The following CLCN1 variants were observed in gnomAD, a reference collection of about 807,000 sequenced individuals.
CLCN1 encodes the protein chloride channel protein 1.
Under a neutral mutation model 114.5 loss-of-function variants are expected in CLCN1, and 100 were observed. The ratio of observed to expected loss-of-function variants is 0.87; its 90% confidence interval spans 0.74 to 1.03. The LOEUF is 1.03. Among genes scored for constraint, CLCN1 ranks in the 50% least tolerant of loss-of-function variants. The probability of loss-of-function intolerance (pLI) is 0.00; values close to 1 mark genes in which losing one functional copy is unlikely to be tolerated. For synonymous variants in CLCN1, 485 were observed against 487.1 expected (o/e 1.00, Z 0.06); for missense variants, 1,188 against 1,250.0 (o/e 0.95, Z 0.75).
Position 143,321,149 on chromosome 7 carries a change from C to T in CLCN1, c.434-216C>T, listed in dbSNP as rs1326695756. The stretch of plus-strand genomic sequence containing the variant: ...TTGGTCACACCCAGGCCTCCAGACC[C>T]TGTACTCCAGTGGGATTCGTGACAC... On this transcript the variant is annotated intron_variant, in intron 3 of 22. Coordinates refer to ENST00000343257, the MANE Select transcript of CLCN1 (RefSeq NM_000083.3). This position sits in a 1 kb window ranked among gnomAD's most constrained non-coding sequence, Gnocchi z 4.2. Among the ~76,000 whole-genome samples the T allele has an allele frequency of 6.6e-6, 1 of 152,222 alleles. No homozygotes were observed. The highest frequency in any genetic ancestry group is 1.5e-5 in the Non-Finnish European group (1 of 68,038).
intron 12 of CLCN1, among the ~76,000 whole-genome samples, chr7:143,335,851 G>C (rs1040830933): frequency 6.6e-6 from 1 of 151,726 alleles, no homozygotes; most frequent in Non-Finnish European, 1.5e-5. Context: ...TAGTAGAGAC[G>C]GTGTTTCACC....
At chr7:143,320,268 C>A (rs1802389687) in intron 2 of CLCN1, among the ~76,000 whole-genome samples, 1 of 152,234 alleles carries the variant, frequency 6.6e-6, no homozygotes, top group African/African-American at 2.4e-5. Context: ...AGCCACCATG[C>A]TTGGCCCCTC....
chr7:143,332,610 T>A (rs1802757270), intron 11 of CLCN1, 107 bp downstream of exon 11: 1 of 1,530,758 alleles, frequency 6.5e-7, no homozygotes, highest in East Asian at 2.3e-5. Context: ...AGATTCTCCC[T>A]GAGAAAAGGG....
intron 7 of CLCN1, among the ~76,000 whole-genome samples, chr7:143,329,985 C>T (rs1403904200): frequency 6.6e-6 from 1 of 152,052 alleles, no homozygotes; most frequent in Non-Finnish European, 1.5e-5. Flanking sequence ...GATCTACCCC[C>T]TCAATTTCTG....
At chr7:143,333,502 T>G (rs994733661) in intron 12 of CLCN1, among the ~76,000 whole-genome samples, 1 of 152,186 alleles carries the variant, frequency 6.6e-6, no homozygotes, top group Non-Finnish European at 1.5e-5. Context: ...TAAATAACTG[T>G]AAAAGCCTTG....
At chr7:143,342,223 A>C in intron 15 of CLCN1, 81 bp downstream of exon 15, 1 of 1,510,236 alleles carries the variant, frequency 6.6e-7, no homozygotes, top group African/African-American at 1.4e-5. Flanking sequence ...CTTAGAGTTA[A>C]AGTTTGGAAA....
At chr7:143,335,069 C>T (rs528808323) in intron 12 of CLCN1, among the ~76,000 whole-genome samples, 368 of 152,244 alleles carry the variant, frequency 2.4e-3, no homozygotes, top group African/African-American at 8.5e-3. Context: ...CTGAGCTATA[C>T]GGCAACATTG....
rs1563086884 is a variant in CLCN1, at chr7:143,345,570, C to T, written c.1980C>T (p.Leu660=). The change falls in exon 17 of 23, where the codon CTC becomes CTT. Residue 660 remains leucine, a synonymous_variant. Coordinates refer to ENST00000343257, the MANE Select transcript of CLCN1 (RefSeq NM_000083.3). The part of the protein sequence containing the change: ...GSVERSELQA[L]LQRHLCPERR... Reference sequence around the variant, plus strand: ...TGGAGCGGTCGGAACTGCAGGCCCTCCTGCAGCGCCACCTGTGTCCTGAGC... The same window carrying T: ...TGGAGCGGTCGGAACTGCAGGCCCTTCTGCAGCGCCACCTGTGTCCTGAGC... 5 of 1,547,292 alleles carry T rather than the reference C, an allele frequency of 3.2e-6. No individual in the cohort carries two copies. The highest frequency in any genetic ancestry group is 4.4e-6 in the Non-Finnish European group (5 of 1,144,540).
At position 143,330,806 on chromosome 7, in the gene CLCN1, CT is replaced by C; in HGVS notation, c.891del (p.Phe297LeufsTer49). ...LFSIEVTSTY[F>X]AVRNYWRGFF... ...TTAGCATCGAGGTCACCTCCACCTA[CT>C]TTGCTGTTCGGAACTACTGGAGAGG... On this transcript the variant is annotated frameshift_variant, in exon 8 of 23. Transcript: ENST00000343257. LOFTEE classifies it high-confidence loss of function. The C allele has an allele frequency of 6.2e-7, 1 of 1,614,226 alleles. No individual in the cohort carries two copies. Among genetic ancestry groups the C allele is most frequent in the Non-Finnish European group, 8.5e-7 (1 of 1,180,044 alleles).
intron 12 of CLCN1, among the ~76,000 whole-genome samples, chr7:143,333,300 CAA>C (rs56344035): frequency 0.013 from 1,873 of 139,034 alleles, 12 homozygotes; most frequent in Middle Eastern, 0.016. Context: ...GATTCTGTCT[CAA>C]AAAAAAAAAA....
chr7:143,338,273 A>T (rs968426736), intron 12 of CLCN1, among the ~76,000 whole-genome samples: 1 of 152,142 alleles, frequency 6.6e-6, no homozygotes, highest in African/African-American at 2.4e-5. Context: ...CTGACTTATC[A>T]GGCTTTCTCA....
chr7:143,335,504 A>T (rs1802850687), intron 12 of CLCN1, among the ~76,000 whole-genome samples: 1 of 152,230 alleles, frequency 6.6e-6, no homozygotes, highest in African/African-American at 2.4e-5. Flanking sequence ...TGGACACAAT[A>T]ACCATACTCT....
rs114272280 is a variant in CLCN1 at position 143,342,951 on chromosome 7, A to T, written c.1930+446A>T. Reference sequence around the variant, plus strand: ...TCTGTTAAAAAAAAAAAAATTTCCCACTAAATACAGTCAATTCTCATAATT... The same window carrying T: ...TCTGTTAAAAAAAAAAAAATTTCCCTCTAAATACAGTCAATTCTCATAATT... On this transcript the variant is annotated intron_variant, in intron 16 of 22. Coordinates refer to ENST00000343257, the MANE Select transcript of CLCN1 (RefSeq NM_000083.3). Among the ~76,000 whole-genome samples the T allele has an allele frequency of 3.7e-3, 570 of 152,150 alleles. 5 individuals are homozygous for T. Among genetic ancestry groups the T allele is most frequent in the African/African-American group, 0.013 (556 of 41,484 alleles).
chr7:143,320,873 C>A, intron 3 of CLCN1, 78 bp downstream of exon 3: 1 of 1,533,768 alleles, frequency 6.5e-7, no homozygotes, highest in South Asian at 1.1e-5. Flanking sequence ...TTATCGGAAG[C>A]GAATGTTAAG....
In CLCN1 at chr7:143,339,437, G is replaced by A; in HGVS notation, c.1472-74G>A. 1 of 1,386,602 alleles carries A rather than the reference G, an allele frequency of 7.2e-7. No homozygotes were observed. Among genetic ancestry groups the A allele is most frequent in the Non-Finnish European group, 1.0e-6 (1 of 972,752 alleles). 85.9% of individuals were successfully genotyped at this position (1,386,602 alleles called of 1,614,324 possible). ...TATATTTGTTCTTAATGCCCAAGGA[G>A]AGATTGGTTCTGAAAACTGAGAGCA... On this transcript the variant is annotated intron_variant, in intron 13 of 22. Coordinates refer to ENST00000343257, the MANE Select transcript of CLCN1 (RefSeq NM_000083.3). The surrounding 1 kb of genome is among the most constrained non-coding windows in gnomAD (Gnocchi z 4.1).
intron 8 of CLCN1, 52 bp from the exon 9 acceptor site, chr7:143,331,180 T>C: frequency 7.6e-7 from 1 of 1,322,536 alleles, no homozygotes; most frequent in Admixed American, 1.7e-5. Flanking sequence ...TCTGTTTCCC[T>C]GTTGGGTTTC....
chr7:143,333,032 C>T (rs1802772615), intron 12 of CLCN1, among the ~76,000 whole-genome samples, 159 bp downstream of exon 12: 1 of 152,160 alleles, frequency 6.6e-6, no homozygotes. Context: ...GGCATGGTGG[C>T]TCACACCTGT....
chr7:143,319,679 G>A, intron 1 of CLCN1, 76 bp from the exon 2 acceptor site: 1 of 1,482,406 alleles, frequency 6.7e-7, no homozygotes, highest in Admixed American at 1.7e-5. Context: ...TCTTCTGTGA[G>A]TCTGTCTGCT....
At chr7:143,318,448 C>T (rs1802345613) in intron 1 of CLCN1, among the ~76,000 whole-genome samples, 1 of 152,182 alleles carries the variant, frequency 6.6e-6, no homozygotes, top group Admixed American at 6.5e-5. Flanking sequence ...GTCTTGATCT[C>T]CTGACCTCAG....
Sources: gnomAD v4.1 joint callset for allele counts (sites outside exome capture counted in the v4.1 genomes callset) on GRCh38, gnomAD v4.1.1 for gene constraint, Gnocchi (gnomAD v3.1) non-coding constraint, MANE v1.5 for transcripts, NCBI Gene and HGNC (gene_info 2026-07-23, HGNC 2026-07-21) for gene names.